KCTD20: variants seen among roughly 807,000 people sequenced by gnomAD.
KCTD20 encodes the protein potassium channel tetramerization domain containing 20, also known as BTB/POZ domain-containing protein KCTD20.
KCTD20 carries 30 observed loss-of-function variants against 39.6 expected under a neutral mutation model. That is an observed-to-expected ratio of 0.76 (90% CI 0.57 to 1.03). The LOEUF is 1.03. Among genes scored for constraint, KCTD20 ranks in the 50% least tolerant of loss-of-function variants. KCTD20 has a pLI of 0.00. For synonymous variants in KCTD20, 162 were observed against 180.6 expected (o/e 0.90, Z 0.83); for missense variants, 422 against 522.0 (o/e 0.81, Z 1.87).
In KCTD20 at chr6:36,479,196, C is replaced by CA. The variant is rs764398555; in HGVS notation, c.511dup (p.Ser171LysfsTer21). The stretch of plus-strand genomic sequence containing the variant: ...GAGAGTATGAGATTGCTGAAGGCAT[C>CA]AGTGCAACTGTATTTCGCACAGTGC... On this transcript the variant is annotated frameshift_variant, in exon 4 of 8. Transcript: ENST00000373731. LOFTEE classifies it high-confidence loss of function. The CA allele has an allele frequency of 6.2e-7, 1 of 1,613,790 alleles. No individual in the cohort carries two copies. The highest frequency in any genetic ancestry group is 1.1e-5 in the South Asian group (1 of 91,068).
At chr6:36,445,225 G>T (rs1207996622) in intron 1 of KCTD20, among the ~76,000 whole-genome samples, 1 of 134,316 alleles carries the variant, frequency 7.4e-6, no homozygotes, top group East Asian at 2.3e-4. Context: ...TCGCGCCATT[G>T]TACTCCAGCC....
Position 36,464,202 on chromosome 6 carries a change from T to C in KCTD20, c.-46-5850T>C, listed in dbSNP as rs144551623. 1.2e-3 allele frequency among the ~76,000 whole-genome samples: 188 copies of C among 152,308 alleles called. 1 individual carries two copies. Among genetic ancestry groups the C allele is most frequent in the African/African-American group, 4.0e-3 (166 of 41,568 alleles). ...TATTGTTACTAGTAATTTGACATTA[T>C]AATTCTGAAACTAGTCTATGAACCA... On this transcript the variant is annotated intron_variant, in intron 1 of 7. Transcript: ENST00000373731.
At chr6:36,447,961 A>G (rs1775102487) in intron 1 of KCTD20, among the ~76,000 whole-genome samples, 2 of 150,028 alleles carry the variant, frequency 1.3e-5, no homozygotes, top group South Asian at 4.2e-4. Flanking sequence ...ACTGCATTCC[A>G]GCCTGGGTGA....
intron 1 of KCTD20, among the ~76,000 whole-genome samples, chr6:36,458,565 AGAAAG>A (rs1775508680): frequency 6.7e-6 from 1 of 149,982 alleles, no homozygotes; most frequent in African/African-American, 2.4e-5. Context: ...AAAAAAGAAA[AGAAAG>A]AAAGGTCTGG....
At position 36,467,896 on chromosome 6, in the gene KCTD20, G is replaced by T. The variant is rs186670771; in HGVS notation, c.-46-2156G>T. Among the ~76,000 whole-genome samples the T allele has an allele frequency of 6.1e-4, 93 of 152,236 alleles. 1 individual carries two copies. In the East Asian group the frequency reaches 0.014, roughly 23 times the overall value. ...CAAGAACATTTAGAAAAACATTACAGAATGAGAATGAGGCATATAGTATAT... is the reference window on the plus strand; with the variant it reads ...CAAGAACATTTAGAAAAACATTACATAATGAGAATGAGGCATATAGTATAT... On this transcript the variant is annotated intron_variant, in intron 1 of 7. Transcript: ENST00000373731.
At chr6:36,458,729 G>A (rs780684764) in intron 1 of KCTD20, among the ~76,000 whole-genome samples, 8 of 151,828 alleles carry the variant, frequency 5.3e-5, no homozygotes, top group Non-Finnish European at 7.4e-5. Flanking sequence ...AGGTGGCCAT[G>A]CCTGTAATCC....
At chr6:36,461,036 T>C (rs1775587064) in intron 1 of KCTD20, among the ~76,000 whole-genome samples, 1 of 152,154 alleles carries the variant, frequency 6.6e-6, no homozygotes, top group South Asian at 2.1e-4. Context: ...ACTTAAATAA[T>C]ATATAGTGCA....
At chr6:36,450,032 C>T (rs186648149) in intron 1 of KCTD20, among the ~76,000 whole-genome samples, 27 of 152,050 alleles carry the variant, frequency 1.8e-4, no homozygotes, top group Admixed American at 1.4e-3. Context: ...GGCGTGGTTG[C>T]AGGCGCCTGT....
At chr6:36,460,309 ATCTC>A (rs773039153) in intron 1 of KCTD20, among the ~76,000 whole-genome samples, 3 of 136,614 alleles carry the variant, frequency 2.2e-5, no homozygotes, top group Admixed American at 1.6e-4. Context: ...GCAGAATTAG[ATCTC>A]TCTTTTTTTT....
In KCTD20 at chr6:36,484,826, TAAAAA is replaced by T; in HGVS notation, c.967+14_967+18del. The T allele has an allele frequency of 8.5e-6, 11 of 1,294,654 alleles. No individual in the cohort carries two copies. The highest frequency in any genetic ancestry group is 2.0e-5 in the Admixed American group (1 of 49,254). The allele number at this position is 1,294,654 out of a possible 1,614,324, so 80.2% of individuals were successfully genotyped here. ...AAAACATTCGCATTGGAATTGAAGG[TAAAAA>T]AAAAAAAAAAATCCCAGTCAACATT... is the stretch of plus-strand genomic sequence containing the variant. On this transcript the variant is annotated splice_donor_5th_base_variant and intron_variant, in intron 7 of 7. Transcript: ENST00000373731.
chr6:36,457,402 G>C (rs1775470741), intron 1 of KCTD20, among the ~76,000 whole-genome samples: 1 of 152,126 alleles, frequency 6.6e-6, no homozygotes, highest in African/African-American at 2.4e-5. Flanking sequence ...CTATTTTTAA[G>C]TCTGTATCCT....
In KCTD20 at chr6:36,468,240, G is replaced by T. The variant is rs115407567; in HGVS notation, c.-46-1812G>T. ...AAACTCCAAGTACATCCATTTATTA[G>T]TTCACCATATACAAATTAAACTGAT... On this transcript the variant is annotated intron_variant, in intron 1 of 7. Coordinates refer to ENST00000373731, the MANE Select transcript of KCTD20 (RefSeq NM_173562.5). 5.7e-3 allele frequency among the ~76,000 whole-genome samples: 875 copies of T among 152,248 alleles called. 8 individuals are homozygous for T. Among genetic ancestry groups the T allele is most frequent in the African/African-American group, 0.02 (830 of 41,522 alleles).
At chr6:36,446,025 T>TTTTTTTG (rs750028603) in intron 1 of KCTD20, among the ~76,000 whole-genome samples, 2 of 1,346 alleles carry the variant, frequency 1.5e-3, no homozygotes, top group Non-Finnish European at 4.9e-3. Context: ...ATGAACTCAG[T>TTTTTTTG]TTTTTTTTTT....
intron 1 of KCTD20, among the ~76,000 whole-genome samples, chr6:36,463,661 C>G (rs1049012788): frequency 4.6e-5 from 7 of 152,220 alleles, no homozygotes; most frequent in African/African-American, 1.7e-4. Flanking sequence ...CCTTCTCCTT[C>G]CATCATGTGA....
chr6:36,444,131 A>G (rs1323062699), intron 1 of KCTD20, among the ~76,000 whole-genome samples: 1 of 152,186 alleles, frequency 6.6e-6, no homozygotes, highest in Non-Finnish European at 1.5e-5. Flanking sequence ...CACCTCTTCC[A>G]TAAATTTGAT....
At chr6:36,462,829 T>C (rs1328383595) in intron 1 of KCTD20, among the ~76,000 whole-genome samples, 2 of 152,168 alleles carry the variant, frequency 1.3e-5, no homozygotes, top group Non-Finnish European at 2.9e-5. Flanking sequence ...AACCTTCTCT[T>C]ATAGCCCCTC....
At chr6:36,474,212 T>C (rs1561954257) in intron 2 of KCTD20, among the ~76,000 whole-genome samples, 1 of 148,932 alleles carries the variant, frequency 6.7e-6, no homozygotes, top group African/African-American at 2.5e-5. Context: ...CTCCCGATGC[T>C]ATCCCTCCCC....
chr6:36,465,530 T>C (rs1775725113), intron 1 of KCTD20: 1 of 12,818 alleles, frequency 7.8e-5, no homozygotes, highest in Non-Finnish European at 1.8e-4. Flanking sequence ...AAATTTATTA[T>C]CTACAGGCTG....
intron 1 of KCTD20, among the ~76,000 whole-genome samples, chr6:36,465,391 T>C (rs1191935066): frequency 6.6e-6 from 1 of 151,168 alleles, no homozygotes; most frequent in Non-Finnish European, 1.5e-5. Flanking sequence ...TTTTTTGTTT[T>C]TTTTTTTTTT....
Sources: gnomAD v4.1 joint callset for allele counts (sites outside exome capture counted in the v4.1 genomes callset) on GRCh38, gnomAD v4.1.1 for gene constraint, MANE v1.5 for transcripts, NCBI Gene and HGNC (gene_info 2026-07-23, HGNC 2026-07-21) for gene names.